The following DNM3 variants were observed in gnomAD, a reference collection of about 807,000 sequenced individuals.
The protein encoded by DNM3 is dynamin 3, also known as dynamin-3.
In DNM3, 47 loss-of-function variants were observed where a neutral mutation model predicts 101.6. That is an observed-to-expected ratio of 0.46 (90% CI 0.37 to 0.59). The LOEUF is 0.59. Among genes scored for constraint, DNM3 ranks in the 20% least tolerant of loss-of-function variants. DNM3 has a pLI of 0.00. For synonymous variants in DNM3, 385 were observed against 387.9 expected (o/e 0.99, Z 0.09); for missense variants, 849 against 1,085.7 (o/e 0.78, Z 3.06).
Position 172,060,292 on chromosome 1 carries a change from A to G in DNM3, c.1336-8527A>G, listed in dbSNP as rs528048055. 3.4e-5 allele frequency among the ~76,000 whole-genome samples: 4 copies of G among 118,228 alleles called. No homozygotes were observed. In the South Asian group the frequency reaches 1.1e-3, roughly 33 times the overall value. 77.6% of individuals were successfully genotyped at this position (118,228 alleles called of 152,430 possible). On this transcript the variant is annotated intron_variant, in intron 10 of 20. Coordinates refer to ENST00000627582, the MANE Select transcript of DNM3 (RefSeq NM_015569.5). ...CTGCCCAAGGTAATTCACAGATTCA[A>G]TGCCATCCCCATCAAGCTACCAATG...
chr1:172,014,638 G>C (rs2047332420), intron 4 of DNM3, among the ~76,000 whole-genome samples: 2 of 152,066 alleles, frequency 1.3e-5, no homozygotes. Context: ...TTTTTTAATT[G>C]AGTTGTTTCT....
chr1:172,123,829 C>T (rs76080196), intron 13 of DNM3, among the ~76,000 whole-genome samples: 1,523 of 152,242 alleles, frequency 0.01, 23 homozygotes, highest in African/African-American at 0.033. Context: ...AATCCTTATT[C>T]TGGTGGCCAA....
Position 172,388,724 on chromosome 1 carries a change from C to A in DNM3, c.2437C>A (p.Pro813Thr), listed in dbSNP as rs1188827161. 6.2e-7 allele frequency: 1 copy of A among 1,613,486 alleles called. No individual in the cohort carries two copies. Among genetic ancestry groups the A allele is most frequent in the South Asian group, 1.1e-5 (1 of 90,948 alleles). The change falls in exon 20 of 21, where the codon CCT becomes ACT. Residue 813 changes from proline to threonine, a missense_variant. By Grantham distance (38) the Pro-to-Thr change is conservative (BLOSUM62 -1). Around this residue, in one of 5 missense-constraint regions of DNM3, gnomAD observed 256 missense variants for 311.7 expected, o/e 0.82. Coordinates refer to ENST00000627582, the MANE Select transcript of DNM3 (RefSeq NM_015569.5). ...PPVPFRPGPL[P>T]PFPSSSDSFG... ...AGTCCCATTCCGTCCAGGCCCATTA[C>A]CTCCTTTCCCCAGCAGCAGTGACTC...
chr1:172,325,329 C>T (rs552552072), intron 17 of DNM3, among the ~76,000 whole-genome samples: 60 of 151,940 alleles, frequency 3.9e-4, no homozygotes, highest in Non-Finnish European at 7.4e-4. Flanking sequence ...CCTTAGAGGG[C>T]GAGTGTTAGT....
At chr1:172,138,283 G>C (rs1229201597) in intron 14 of DNM3, 1 of 142,396 alleles carries the variant, frequency 7.0e-6, no homozygotes, top group Non-Finnish European at 1.5e-5. Context: ...TTAACTCAAA[G>C]CACTTGATCC....
At chr1:172,146,363 AT>A (rs1558640007) in intron 14 of DNM3, among the ~76,000 whole-genome samples, 1 of 152,186 alleles carries the variant, frequency 6.6e-6, no homozygotes, top group African/African-American at 2.4e-5. Flanking sequence ...GGAAGATTAA[AT>A]AAGATAAACA....
chr1:171,928,541 C>G (rs4916240), intron 2 of DNM3, among the ~76,000 whole-genome samples: 147,943 of 152,204 alleles, frequency 0.97, 71,923 homozygotes, highest in East Asian at 1. Context: ...GTGATGAGCA[C>G]TGGAGGGTGT....
chr1:172,038,387 C>T lies in DNM3; in HGVS notation c.918C>T (p.Ser306=), dbSNP rs774819321. The change falls in exon 7 of 21, where the codon TCC becomes TCT. Residue 306 remains serine (S), a synonymous_variant. Transcript: ENST00000627582. ...FRNKLQGQLL[S]IEHEVEAYKN... is the part of the protein sequence containing the mutation. ...ACAAACTACAGGGACAGTTGCTCTCCATAGAACATGAAGTAGAAGCCTACA... is the reference window on the plus strand; with the variant it reads ...ACAAACTACAGGGACAGTTGCTCTCTATAGAACATGAAGTAGAAGCCTACA... The T allele has an allele frequency of 6.2e-7, 1 of 1,613,450 alleles. No individual in the cohort carries two copies. The highest frequency in any genetic ancestry group is 8.5e-7 in the Non-Finnish European group (1 of 1,179,596).
intron 16 of DNM3, among the ~76,000 whole-genome samples, chr1:172,314,894 C>G (rs2065252583): frequency 6.6e-6 from 1 of 152,176 alleles, no homozygotes; most frequent in African/African-American, 2.4e-5. Flanking sequence ...CAGTGGTTCT[C>G]CCAGCACGCA....
intron 7 of DNM3, among the ~76,000 whole-genome samples, chr1:172,039,283 A>G (rs2049190483): frequency 6.6e-6 from 1 of 152,068 alleles, no homozygotes; most frequent in South Asian, 2.1e-4. Flanking sequence ...GGCACCTCTT[A>G]TGGCGCACTT....
At chr1:172,068,056 G>A (rs1381382120) in intron 10 of DNM3, among the ~76,000 whole-genome samples, 2 of 152,200 alleles carry the variant, frequency 1.3e-5, no homozygotes, top group African/African-American at 2.4e-5. Context: ...GGCCGGGCGT[G>A]GTGGCTCACG....
rs1571349106 is a variant in DNM3, at chr1:171,873,115, T to G, written c.161+31298T>G. Among the ~76,000 whole-genome samples the G allele has an allele frequency of 2.0e-5, 3 of 152,198 alleles. No homozygotes were observed. In the East Asian group the frequency reaches 5.8e-4, roughly 29 times the overall value. Reference sequence around the variant, plus strand: ...GTGTCTATTCTTTAAGAAGTCAAGTTGAATCATATAAGATAAAGAGATCTT... The same window carrying G: ...GTGTCTATTCTTTAAGAAGTCAAGTGGAATCATATAAGATAAAGAGATCTT... On this transcript the variant is annotated intron_variant, in intron 1 of 20. Coordinates refer to ENST00000627582, the MANE Select transcript of DNM3 (RefSeq NM_015569.5).
At chr1:172,172,437 T>G (rs914956466) in intron 14 of DNM3, among the ~76,000 whole-genome samples, 2 of 151,648 alleles carry the variant, frequency 1.3e-5, no homozygotes, top group African/African-American at 4.8e-5. Flanking sequence ...GACAGAGGGA[T>G]GATTCATATC....
At chr1:172,027,008 G>A (rs566877731) in intron 4 of DNM3, among the ~76,000 whole-genome samples, 2 of 152,170 alleles carry the variant, frequency 1.3e-5, no homozygotes, top group East Asian at 3.9e-4. Flanking sequence ...CATAATTGAA[G>A]GAGAAATAAA....
At chr1:172,325,948 T>A (rs1242534379) in intron 17 of DNM3, among the ~76,000 whole-genome samples, 4 of 152,170 alleles carry the variant, frequency 2.6e-5, no homozygotes, top group Admixed American at 2.6e-4. Context: ...TGCACACACA[T>A]GTGCACATAT....
At chr1:172,243,163 T>G (rs1010025427) in intron 14 of DNM3, among the ~76,000 whole-genome samples, 16 of 152,056 alleles carry the variant, frequency 1.1e-4, no homozygotes, top group African/African-American at 3.9e-4. Context: ...ACATTACCAA[T>G]CTCATATGTA....
chr1:172,064,943 T>C (rs2051536742), intron 10 of DNM3, among the ~76,000 whole-genome samples: 1 of 152,328 alleles, frequency 6.6e-6, no homozygotes, highest in East Asian at 1.9e-4. Flanking sequence ...GTCTCAATTG[T>C]AGGTACAAAA....
At chr1:172,327,122 T>C (rs1477192921) in intron 17 of DNM3, among the ~76,000 whole-genome samples, 6 of 152,112 alleles carry the variant, frequency 3.9e-5, no homozygotes, top group Non-Finnish European at 8.8e-5. Flanking sequence ...TGGAGGGCCT[T>C]GATATTTAAG....
At chr1:172,165,110 C>T (rs915964887) in intron 14 of DNM3, among the ~76,000 whole-genome samples, 5 of 152,042 alleles carry the variant, frequency 3.3e-5, no homozygotes, top group Admixed American at 1.3e-4. Context: ...AGTAAATCCA[C>T]TTACATGTAT....
Sources: gnomAD v4.1 joint callset for allele counts (sites outside exome capture counted in the v4.1 genomes callset) on GRCh38, gnomAD v4.1.1 for gene constraint, gnomAD v4.1.1 regional missense constraint, MANE v1.5 for transcripts, NCBI Gene and HGNC (gene_info 2026-07-23, HGNC 2026-07-21) for gene names.